Variants in SCFD2 observed in about 807,000 individuals in gnomAD.
SCFD2 encodes the protein sec1 family domain containing 2, also known as sec1 family domain-containing protein 2.
In SCFD2, 54 loss-of-function variants were observed where a neutral mutation model predicts 58.9. The ratio of observed to expected loss-of-function variants is 0.92; its 90% CI spans 0.74 to 1.15. The LOEUF is 1.15. SCFD2 is among the 50% of genes most tolerant of loss of function. The pLI, the probability that SCFD2 is intolerant of heterozygous loss-of-function variation, is 0.00. For missense variants in SCFD2, 805 were observed against 836.6 expected, an observed-to-expected ratio of 0.96 and a Z score of 0.47; for synonymous variants, 321 against 335.9, an observed-to-expected ratio of 0.96 and a Z score of 0.49.
chr4:53,001,854 C>G (rs1415747101), intron 5 of SCFD2, among the ~76,000 whole-genome samples: 1 of 152,292 alleles, frequency 6.6e-6, no homozygotes, highest in East Asian at 1.9e-4. Context: ...CATTATTATG[C>G]CATTTTACAG....
chr4:52,979,655 A>C (rs887399409), intron 5 of SCFD2, among the ~76,000 whole-genome samples: 1 of 152,198 alleles, frequency 6.6e-6, no homozygotes, highest in African/African-American at 2.4e-5. Context: ...GGATTAACTC[A>C]GTAAATCCCA....
intron 5 of SCFD2, among the ~76,000 whole-genome samples, chr4:52,975,336 C>G (rs1721226120): frequency 6.6e-6 from 1 of 152,124 alleles, no homozygotes; most frequent in South Asian, 2.1e-4. Flanking sequence ...AAAAAACAAA[C>G]AACCCCATCA....
At chr4:53,182,833 G>T (rs1450822905) in intron 4 of SCFD2, among the ~76,000 whole-genome samples, 1 of 151,572 alleles carries the variant, frequency 6.6e-6, no homozygotes, top group Non-Finnish European at 1.5e-5. Flanking sequence ...CCATCAAAAA[G>T]TGGGCCAAGG....
intron 4 of SCFD2, among the ~76,000 whole-genome samples, chr4:53,229,240 T>C (rs930190562): frequency 3.9e-5 from 6 of 152,134 alleles, no homozygotes; most frequent in African/African-American, 1.2e-4. Flanking sequence ...AAGCTACCAA[T>C]GACTTTCTAC....
At chr4:53,217,800 T>G (rs1728902386) in intron 4 of SCFD2, among the ~76,000 whole-genome samples, 1 of 152,238 alleles carries the variant, frequency 6.6e-6, no homozygotes, top group Non-Finnish European at 1.5e-5. Context: ...CTTTCCATGT[T>G]TAGTGCTTCC....
intron 4 of SCFD2, among the ~76,000 whole-genome samples, chr4:53,243,632 T>G (rs1284085062): frequency 6.6e-6 from 1 of 152,006 alleles, no homozygotes; most frequent in Admixed American, 6.6e-5. Flanking sequence ...CATATCAACT[T>G]TAACCTTGCA....
chr4:53,205,573 A>C (rs1257445802), intron 4 of SCFD2, among the ~76,000 whole-genome samples: 1 of 152,162 alleles, frequency 6.6e-6, no homozygotes, highest in Non-Finnish European at 1.5e-5. Flanking sequence ...TGAAAAAGTC[A>C]AGAACCAAAG....
intron 1 of SCFD2, among the ~76,000 whole-genome samples, chr4:53,356,731 CTTTTT>C (rs369411706): frequency 8.9e-6 from 1 of 112,896 alleles, no homozygotes; most frequent in African/African-American, 3.3e-5. Context: ...AACTTGTAGA[CTTTTT>C]TTTTTTTTTT....
chr4:53,250,141 G>T (rs977930435), intron 4 of SCFD2, among the ~76,000 whole-genome samples: 1 of 152,012 alleles, frequency 6.6e-6, no homozygotes, highest in African/African-American at 2.4e-5. Flanking sequence ...AAAAGGCAAG[G>T]GTTGCAACCC....
intron 6 of SCFD2, among the ~76,000 whole-genome samples, chr4:52,916,685 G>C (rs561344080): frequency 6.6e-6 from 1 of 152,120 alleles, no homozygotes; most frequent in Admixed American, 6.5e-5. Context: ...AAAACAAATG[G>C]GTGTCAGCAA....
chr4:53,193,081 G>A (rs1485102153), intron 4 of SCFD2, among the ~76,000 whole-genome samples: 1 of 152,054 alleles, frequency 6.6e-6, no homozygotes, highest in African/African-American at 2.4e-5. Flanking sequence ...ACTGAGAAAT[G>A]GCTAAATTTC....
chr4:53,233,678 G>A (rs1577872961), intron 4 of SCFD2, among the ~76,000 whole-genome samples: 1 of 152,248 alleles, frequency 6.6e-6, no homozygotes, highest in South Asian at 2.1e-4. Flanking sequence ...CCTACCCTGG[G>A]CAAAGGAACA....
At position 53,156,541 on chromosome 4, in the gene SCFD2, C is replaced by CA. The variant is rs564134166; in HGVS notation, c.1312-10960dup. On this transcript the variant is annotated intron_variant, in intron 4 of 8. Transcript: ENST00000401642. ...TGAAACCCCGTCTCTACTAAAAATA[C>CA]AAAAAAATTAGCCGGGTGTGGTGGC... Among the ~76,000 whole-genome samples the CA allele has an allele frequency of 4.0e-4, 60 of 151,596 alleles. 1 individual carries two copies. The South Asian group carries it at 0.012, about 31-fold the overall frequency.
chr4:53,286,308 C>T (rs1265892238), intron 3 of SCFD2, among the ~76,000 whole-genome samples: 1 of 152,052 alleles, frequency 6.6e-6, no homozygotes, highest in South Asian at 2.1e-4. Flanking sequence ...CCTAGTGGAG[C>T]GGCCATGCAC....
chr4:53,169,543 C>T (rs1423159147), intron 4 of SCFD2, among the ~76,000 whole-genome samples: 2 of 151,916 alleles, frequency 1.3e-5, no homozygotes, highest in Admixed American at 6.6e-5. Context: ...ATGGCAATTT[C>T]GTTTGCTTTG....
intron 5 of SCFD2, among the ~76,000 whole-genome samples, chr4:52,951,983 C>T (rs966540865): frequency 5.9e-5 from 9 of 152,130 alleles, no homozygotes; most frequent in South Asian, 2.1e-4. Flanking sequence ...GAGGAGAAGG[C>T]GCTCTACCCC....
At chr4:53,173,348 A>T (rs1263755665) in intron 4 of SCFD2, among the ~76,000 whole-genome samples, 1 of 152,180 alleles carries the variant, frequency 6.6e-6, no homozygotes, top group African/African-American at 2.4e-5. Context: ...ACCCTGATAA[A>T]GTCAAAAAAT....
At chr4:53,312,964 A>AT (rs935301509) in intron 3 of SCFD2, among the ~76,000 whole-genome samples, 5 of 151,902 alleles carry the variant, frequency 3.3e-5, no homozygotes, top group Non-Finnish European at 5.9e-5. Flanking sequence ...TAAAAGCCAA[A>AT]TTTTTTTTCT....
intron 5 of SCFD2, among the ~76,000 whole-genome samples, chr4:53,045,356 CT>C (rs1337606490): frequency 6.6e-6 from 1 of 152,074 alleles, no homozygotes; most frequent in African/African-American, 2.4e-5. Flanking sequence ...GGTATGGGCA[CT>C]TAATTTGTAA....
Sources: gnomAD v4.1 joint callset for allele counts (sites outside exome capture counted in the v4.1 genomes callset) on GRCh38, gnomAD v4.1.1 for gene constraint, MANE v1.5 for transcripts, NCBI Gene and HGNC (gene_info 2026-07-23, HGNC 2026-07-21) for gene names.